CPNE4: variants seen among roughly 807,000 people sequenced by gnomAD.
CPNE4 encodes the protein copine 4.
A neutral mutation model predicts 67.9 loss-of-function variants in CPNE4; 25 were observed. The ratio of observed to expected loss-of-function variants is 0.37; its 90% confidence interval spans 0.27 to 0.51. CPNE4 has a LOEUF of 0.51. CPNE4 is among the 20% of genes least tolerant of loss of function. The probability of loss-of-function intolerance (pLI) is 0.93; values close to 1 mark genes in which losing one functional copy is unlikely to be tolerated. For missense variants in CPNE4, 464 were observed against 690.8 expected (o/e 0.67, Z 3.68); for synonymous variants, 242 against 244.9 (o/e 0.99, Z 0.11).
At chr3:131,650,594 A>C (rs1251966497) in intron 7 of CPNE4, among the ~76,000 whole-genome samples, 3 of 149,812 alleles carry the variant, frequency 2.0e-5, no homozygotes, top group African/African-American at 7.6e-5. Context: ...AAATACAAAA[A>C]ATTAGCCGGG....
At chr3:131,544,735 A>G (rs1935727240) in intron 14 of CPNE4, among the ~76,000 whole-genome samples, 1 of 152,170 alleles carries the variant, frequency 6.6e-6, no homozygotes, top group South Asian at 2.1e-4. Context: ...TACCAGAATC[A>G]TAAGTCACCC....
At chr3:131,767,468 T>A (rs577997215) in intron 2 of CPNE4, among the ~76,000 whole-genome samples, 15 of 152,200 alleles carry the variant, frequency 9.9e-5, no homozygotes, top group Non-Finnish European at 2.1e-4. Context: ...CTGAACACTG[T>A]GAGTGGCATC....
In CPNE4 at chr3:131,862,706, T is replaced by TAC. The variant is rs1056466562; in HGVS notation, c.180+42557_180+42558insGT. On this transcript the variant is annotated intron_variant, in intron 2 of 15. Transcript: ENST00000429747. ...GCATTTTCTTTTAAGTTCTTATATA[T>TAC]ATATATATATTTTTATTATACTTGA... 3.9e-4 allele frequency among the ~76,000 whole-genome samples: 59 copies of TAC among 150,396 alleles called. 1 individual carries two copies. Among genetic ancestry groups the TAC allele is most frequent in the Non-Finnish European group, 7.7e-4 (52 of 67,622 alleles).
chr3:131,778,325 T>C (rs1437907677), intron 2 of CPNE4, among the ~76,000 whole-genome samples: 1 of 152,088 alleles, frequency 6.6e-6, no homozygotes, highest in Admixed American at 6.6e-5. Context: ...CAGGAGCGTA[T>C]GTCTAGCTCG....
chr3:131,988,508 C>T (rs1490772416), intron 1 of CPNE4, among the ~76,000 whole-genome samples: 1 of 152,112 alleles, frequency 6.6e-6, no homozygotes, highest in Non-Finnish European at 1.5e-5. Flanking sequence ...TGGATGAGGG[C>T]AATAGCTATG....
intron 7 of CPNE4, among the ~76,000 whole-genome samples, chr3:131,617,281 G>T (rs1188154445): frequency 1.3e-5 from 2 of 152,166 alleles, no homozygotes; most frequent in Non-Finnish European, 2.9e-5. Context: ...TGCTTTTAAA[G>T]CCTTGCTCTA....
At chr3:131,954,571 T>C (rs1357760224) in intron 1 of CPNE4, among the ~76,000 whole-genome samples, 1 of 152,238 alleles carries the variant, frequency 6.6e-6, no homozygotes, top group African/African-American at 2.4e-5. Flanking sequence ...TATGTATAGA[T>C]GTGCCATGTT....
chr3:131,932,828 G>A (rs1256407740), intron 1 of CPNE4, among the ~76,000 whole-genome samples: 2 of 152,086 alleles, frequency 1.3e-5, no homozygotes, highest in Admixed American at 1.3e-4. Flanking sequence ...AACCAGCCTG[G>A]CCAACATGGT....
At chr3:131,612,538 A>T (rs1483036038) in intron 7 of CPNE4, among the ~76,000 whole-genome samples, 1 of 152,188 alleles carries the variant, frequency 6.6e-6, no homozygotes, top group East Asian at 1.9e-4. Flanking sequence ...TCAGATCCAT[A>T]GAGTGGTGAA....
At chr3:131,861,030 T>G (rs1438470598) in intron 2 of CPNE4, among the ~76,000 whole-genome samples, 1 of 152,212 alleles carries the variant, frequency 6.6e-6, no homozygotes, top group Non-Finnish European at 1.5e-5. Flanking sequence ...GAGTTTGAGT[T>G]TTATTCTTAA....
intron 3 of CPNE4, among the ~76,000 whole-genome samples, chr3:131,715,766 A>C (rs2081668184): frequency 6.6e-6 from 1 of 152,246 alleles, no homozygotes; most frequent in East Asian, 1.9e-4. Flanking sequence ...TGAGTTAATA[A>C]GCAGTGAAAG....
intron 1 of CPNE4, among the ~76,000 whole-genome samples, chr3:132,015,364 C>G (rs2073866257): frequency 6.6e-6 from 1 of 152,178 alleles, no homozygotes; most frequent in Non-Finnish European, 1.5e-5. Flanking sequence ...GCAGGCATAT[C>G]TTCCCCCTTC....
At chr3:131,965,106 T>G (rs2072305232) in intron 1 of CPNE4, among the ~76,000 whole-genome samples, 1 of 152,166 alleles carries the variant, frequency 6.6e-6, no homozygotes, top group African/African-American at 2.4e-5. Context: ...AACCCAGAAT[T>G]TCATATCTAG....
chr3:131,744,252 A>G (rs1009441948), intron 2 of CPNE4, among the ~76,000 whole-genome samples: 2 of 152,082 alleles, frequency 1.3e-5, no homozygotes, highest in African/African-American at 4.8e-5. Flanking sequence ...AAATATAGAA[A>G]TTTATTAAAA....
chr3:131,661,572 A>G (rs2080126131), intron 7 of CPNE4, among the ~76,000 whole-genome samples: 1 of 152,156 alleles, frequency 6.6e-6, no homozygotes. Context: ...TTCCTGTGCT[A>G]TAGCTGATCC....
chr3:131,951,827 G>C (rs560162940), intron 1 of CPNE4, among the ~76,000 whole-genome samples: 1,521 of 152,048 alleles, frequency 0.01, 29 homozygotes, highest in African/African-American at 0.035. Context: ...GGCCTCCCGA[G>C]GTGCCGGGAT....
At chr3:132,022,107 T>C (rs1197886350) in intron 1 of CPNE4, among the ~76,000 whole-genome samples, 3 of 152,218 alleles carry the variant, frequency 2.0e-5, no homozygotes, top group Admixed American at 6.5e-5. Context: ...TTAGCTTGAC[T>C]GGCAAGTCAA....
chr3:131,821,175 T>C (rs557408233), intron 2 of CPNE4, among the ~76,000 whole-genome samples: 11 of 152,282 alleles, frequency 7.2e-5, no homozygotes, highest in Admixed American at 3.3e-4. Flanking sequence ...TAATCCAACG[T>C]TTTCATTGAT....
At chr3:131,941,328 T>C (rs2071379979) in intron 1 of CPNE4, among the ~76,000 whole-genome samples, 1 of 152,084 alleles carries the variant, frequency 6.6e-6, no homozygotes, top group South Asian at 2.1e-4. Flanking sequence ...ACATGCATTA[T>C]ATATGTAGTA....
Sources: allele counts gnomAD v4.1 joint callset (sites outside exome capture counted in the v4.1 genomes callset), GRCh38; gene constraint gnomAD v4.1.1; transcripts MANE v1.5; gene names NCBI Gene and HGNC (gene_info 2026-07-23, HGNC 2026-07-21).